DYNC2H1: variants seen among roughly 807,000 people sequenced by gnomAD.
DYNC2H1 encodes cytoplasmic dynein 2 heavy chain 1.
Under a neutral mutation model 570.0 loss-of-function variants are expected in DYNC2H1, and 410 were observed. The ratio of observed to expected loss-of-function variants is 0.72; its 90% CI spans 0.66 to 0.78. The LOEUF is 0.78. DYNC2H1 is among the 30% of genes least tolerant of loss of function. DYNC2H1 has a pLI of 0.00. For missense variants in DYNC2H1, 4,865 were observed against 5,046.4 expected, an observed-to-expected ratio of 0.96 and a Z score of 1.09; for synonymous variants, 1,688 against 1,677.6, an observed-to-expected ratio of 1.01 and a Z score of -0.15.
chr11:103,148,179 A>T (rs1363876496), intron 19 of DYNC2H1, among the ~76,000 whole-genome samples: 1 of 152,206 alleles, frequency 6.6e-6, no homozygotes, highest in African/African-American at 2.4e-5. Flanking sequence ...TCAAAATACC[A>T]CAGTTTCTTC....
intron 70 of DYNC2H1, among the ~76,000 whole-genome samples, chr11:103,270,511 A>T (rs1349289954): frequency 2.0e-5 from 3 of 152,158 alleles, no homozygotes; most frequent in African/African-American, 7.2e-5. Context: ...AAATAGAGCA[A>T]TTGTAACAAT....
At chr11:103,158,218 C>A (rs867816995) in intron 26 of DYNC2H1, among the ~76,000 whole-genome samples, 1 of 152,148 alleles carries the variant, frequency 6.6e-6, no homozygotes, top group Non-Finnish European at 1.5e-5. Flanking sequence ...GAGGCCGAGG[C>A]GGGCGGATCA....
In DYNC2H1 at chr11:103,406,118, G is replaced by A. The variant is rs571757578; in HGVS notation, c.12366+6246G>A. 4 of 152,150 alleles carry A rather than the reference G, an allele frequency of 2.6e-5. No homozygotes were observed. The East Asian group carries it at 7.7e-4, about 29-fold the overall frequency. 9.4% of individuals were successfully genotyped at this position (152,150 alleles called of 1,614,324 possible). A position where few individuals can be genotyped will look rare whatever the true frequency, so the allele number is the denominator to read the frequency against. On this transcript the variant is annotated intron_variant, in intron 84 of 88. Transcript: ENST00000375735. ...GATTGATTTGCATTCAATTGATGCA[G>A]AATAGTCTTGCAGTCCTTAGATCTG...
intron 75 of DYNC2H1, among the ~76,000 whole-genome samples, chr11:103,291,588 A>G (rs1866603140): frequency 6.6e-6 from 1 of 152,204 alleles, no homozygotes; most frequent in African/African-American, 2.4e-5. Flanking sequence ...TCTATAGTAC[A>G]GATTAAGTCT....
intron 34 of DYNC2H1, among the ~76,000 whole-genome samples, chr11:103,172,599 T>C (rs1861621021): frequency 6.6e-6 from 1 of 152,024 alleles, no homozygotes; most frequent in Non-Finnish European, 1.5e-5. Flanking sequence ...TCCTACTAAG[T>C]GCTGTTATCA....
chr11:103,176,311 G>C lies in DYNC2H1; in HGVS notation c.5751G>C (p.Arg1917=). ...AGTTTACGTTTACTGATTGCACCCG[G>C]TTTGATGCACTGATAAAAGATGTCT... is the stretch of plus-strand genomic sequence containing the variant. The part of the protein sequence containing the change: ...MSKFTFTDCT[R]FDALIKDVFP... Residue 1917 remains arginine (R), a synonymous_variant, in exon 37 of 89, where the codon CGG becomes CGC. Transcript: ENST00000375735. 4 of 1,558,662 alleles carry C rather than the reference G, an allele frequency of 2.6e-6. No individual in the cohort carries two copies. Among genetic ancestry groups the C allele is most frequent in the Non-Finnish European group, 3.5e-6 (4 of 1,151,330 alleles).
chr11:103,164,711 T>C (rs775867137), intron 30 of DYNC2H1, among the ~76,000 whole-genome samples: 1 of 152,220 alleles, frequency 6.6e-6, no homozygotes, highest in Non-Finnish European at 1.5e-5. Flanking sequence ...GCACACTTAA[T>C]TGTCATTACA....
chr11:103,339,291 C>T (rs1939318924), intron 82 of DYNC2H1, among the ~76,000 whole-genome samples: 1 of 152,084 alleles, frequency 6.6e-6, no homozygotes, highest in Non-Finnish European at 1.5e-5. Context: ...CCTTCCAGAT[C>T]AGTGCAGCTT....
chr11:103,260,876 C>T (rs533427379), intron 70 of DYNC2H1, among the ~76,000 whole-genome samples: 2 of 152,020 alleles, frequency 1.3e-5, no homozygotes, highest in Admixed American at 1.3e-4. Flanking sequence ...TCCTCAGCCT[C>T]CCAAAGTGCT....
In DYNC2H1 at chr11:103,143,341, A is replaced by G. The variant is rs1237618426; in HGVS notation, c.2648A>G (p.Glu883Gly). 3.7e-6 allele frequency: 6 copies of G among 1,613,144 alleles called. No homozygotes were observed. In the South Asian group the frequency reaches 6.6e-5, roughly 18 times the overall value. Residue 883 changes from glutamate (E) to glycine (G), a missense_variant, in exon 18 of 89, where the codon GAG (glutamate) becomes GGG (glycine). Around this residue, in one of 5 missense-constraint regions of DYNC2H1, gnomAD observed 1,936 missense variants for 1,962.1 expected, o/e 0.99. Transcript: ENST00000375735. ...CATCTTTTTACTGTACATGATTGGGAGAAAAATTTTAAAGCATTAAAAATA... is the reference window on the plus strand; with the variant it reads ...CATCTTTTTACTGTACATGATTGGGGGAAAAATTTTAAAGCATTAAAAATA... The part of the protein sequence containing the change: ...EKHLFTVHDW[E>G]KNFKALKIKG...
At chr11:103,382,551 G>A (rs776409801) in intron 83 of DYNC2H1, among the ~76,000 whole-genome samples, 1 of 152,170 alleles carries the variant, frequency 6.6e-6, no homozygotes, top group Non-Finnish European at 1.5e-5. Context: ...ATCAAGGTGA[G>A]TCATAAATGA....
At chr11:103,424,888 G>A (rs542985755) in intron 84 of DYNC2H1, among the ~76,000 whole-genome samples, 6 of 151,980 alleles carry the variant, frequency 3.9e-5, no homozygotes, top group African/African-American at 7.2e-5. Context: ...TCTTCTATCC[G>A]GTATTTCTTC....
chr11:103,392,204 C>T (rs766607174), intron 83 of DYNC2H1, among the ~76,000 whole-genome samples: 85 of 152,292 alleles, frequency 5.6e-4, no homozygotes, highest in Admixed American at 2.2e-3. Flanking sequence ...CAATGGCGGG[C>T]GCCCCTCCCC....
chr11:103,148,720 A>G (rs1860371288), intron 20 of DYNC2H1, 103 bp downstream of exon 20: 2 of 1,351,212 alleles, frequency 1.5e-6, no homozygotes. Flanking sequence ...TAATCTCAAC[A>G]TTATAAGGAG....
chr11:103,328,378 TTA>T (rs1431025753), intron 82 of DYNC2H1, among the ~76,000 whole-genome samples: 1 of 152,178 alleles, frequency 6.6e-6, no homozygotes, highest in East Asian at 1.9e-4. Flanking sequence ...CTAATAGAAT[TTA>T]TATATTTAGA....
chr11:103,420,617 C>A (rs1943454276), intron 84 of DYNC2H1, among the ~76,000 whole-genome samples: 2 of 152,178 alleles, frequency 1.3e-5, no homozygotes, highest in African/African-American at 4.8e-5. Context: ...AAGTTCATAT[C>A]TGGCCAACCA....
Position 103,181,886 on chromosome 11 carries a change from G to C in DYNC2H1, c.6477G>C (p.Gln2159His). 6.2e-7 allele frequency: 1 copy of C among 1,601,732 alleles called. No homozygotes were observed. Among genetic ancestry groups the C allele is most frequent in the Non-Finnish European group, 8.5e-7 (1 of 1,173,564 alleles). Residue 2159 changes from glutamine to histidine, a missense_variant and splice_region_variant, in exon 40 of 89, where the codon CAG (glutamine) becomes CAC (histidine). Gln to His is a conservative substitution (Grantham distance 24). Coordinates refer to ENST00000375735, the MANE Select transcript of DYNC2H1 (RefSeq NM_001377.3). This position sits in a 1 kb window ranked among gnomAD's most constrained non-coding sequence, Gnocchi z 5.0. ...FEKALQWVLK[Q>H]NDYVVETSLV... Reference sequence around the variant, plus strand: ...AGGCTTTACAATGGGTTCTAAAGCAGGTAAATTAACCATAATATTTCATAA... The same window carrying C: ...AGGCTTTACAATGGGTTCTAAAGCACGTAAATTAACCATAATATTTCATAA...
intron 82 of DYNC2H1, among the ~76,000 whole-genome samples, chr11:103,330,594 T>C (rs899006192): frequency 7.7e-6 from 1 of 129,362 alleles, no homozygotes; most frequent in African/African-American, 2.6e-5. Flanking sequence ...ATATATATCT[T>C]TATTTACCCA....
In DYNC2H1 at chr11:103,471,544, G is replaced by A. The variant is rs76222830; in HGVS notation, c.12765+2839G>A. Reference sequence around the variant, plus strand: ...ATCATGTTGAGGATTAAATATGTTTGTGTGTGTGTAAAGTACCTAGCACAG... The same window carrying A: ...ATCATGTTGAGGATTAAATATGTTTATGTGTGTGTAAAGTACCTAGCACAG... On this transcript the variant is annotated intron_variant, in intron 88 of 88. Transcript: ENST00000375735. Among the ~76,000 whole-genome samples, 493 of 152,264 alleles carry A rather than the reference G, an allele frequency of 3.2e-3. 15 individuals are homozygous for A. The East Asian group carries it at 0.063, about 20-fold the overall frequency.
Sources: allele counts gnomAD v4.1 joint callset (sites outside exome capture counted in the v4.1 genomes callset), GRCh38; gene constraint gnomAD v4.1.1; regional missense constraint gnomAD v4.1.1; non-coding constraint Gnocchi (gnomAD v3.1); transcripts MANE v1.5; gene names NCBI Gene and HGNC (gene_info 2026-07-23, HGNC 2026-07-21).